FUT9: variants seen among roughly 807,000 people sequenced by gnomAD.
FUT9 encodes fucosyltransferase 9.
Under a neutral mutation model 29.7 loss-of-function variants are expected in FUT9, and 15 were observed. The observed-to-expected ratio is 0.51, with a 90% CI of 0.34 to 0.78. The LOEUF is 0.78. Among genes scored for constraint, FUT9 ranks in the 30% least tolerant of loss-of-function variants. FUT9 has a pLI of 0.01. For missense variants in FUT9, 319 were observed against 425.4 expected (o/e 0.75, Z 2.20); for synonymous variants, 169 against 153.7 (o/e 1.10, Z -0.74).
intron 2 of FUT9, among the ~76,000 whole-genome samples, chr6:96,162,854 A>C (rs1772938820): frequency 6.6e-6 from 1 of 152,142 alleles, no homozygotes; most frequent in Non-Finnish European, 1.5e-5. Flanking sequence ...CGTGGTAGAG[A>C]GGTATTCTTT....
intron 2 of FUT9, among the ~76,000 whole-genome samples, chr6:96,193,454 G>A: frequency 6.8e-6 from 1 of 147,010 alleles, no homozygotes. Flanking sequence ...ATGAAAAAAT[G>A]CTCATCATCA....
At chr6:96,044,021 G>T (rs11156165) in intron 1 of FUT9, among the ~76,000 whole-genome samples, 18,710 of 152,156 alleles carry the variant, frequency 0.12, 1,374 homozygotes, top group Non-Finnish European at 0.17. Flanking sequence ...AGTAATGCTT[G>T]ATTTAAAATA....
intron 1 of FUT9, among the ~76,000 whole-genome samples, chr6:96,016,921 T>C (rs971501162): frequency 7.2e-5 from 11 of 152,212 alleles, no homozygotes; most frequent in African/African-American, 2.7e-4. Flanking sequence ...AACAAACTTT[T>C]TGTTATTGTT....
intron 1 of FUT9, among the ~76,000 whole-genome samples, chr6:96,061,090 G>C (rs78738787): frequency 0.028 from 4,248 of 151,216 alleles, 220 homozygotes; most frequent in African/African-American, 0.097. Context: ...AATTCCATGG[G>C]ATATTATTAT....
Position 96,211,294 on chromosome 6 carries a change from G to T in FUT9, c.*7059G>T, listed in dbSNP as rs1374236458. The T allele has an allele frequency of 6.0e-6, 1 of 166,694 alleles. No homozygotes were observed. The highest frequency in any genetic ancestry group is 2.4e-5 in the African/African-American group (1 of 41,384). 10.3% of individuals were successfully genotyped at this position (166,694 alleles called of 1,614,324 possible). On this transcript the variant is annotated 3_prime_UTR_variant, in exon 3 of 3. Transcript: ENST00000302103. ...CAAGCAGTCCTAATTTTCTCTCCCT[G>T]TTATGAGCAATCAGTAAATTTGTAG...
chr6:96,191,264 C>T lies in FUT9; in HGVS notation c.-8-11884C>T, dbSNP rs1582298068. Among the ~76,000 whole-genome samples the T allele has an allele frequency of 2.6e-5, 4 of 152,022 alleles. No individual in the cohort carries two copies. In the South Asian group the frequency reaches 8.3e-4, roughly 31 times the overall value. On this transcript the variant is annotated intron_variant, in intron 2 of 2. Coordinates refer to ENST00000302103, the MANE Select transcript of FUT9 (RefSeq NM_006581.4). ...CTGAAGGAAATAGAGACACAAAAAA[C>T]CCTTCAAAAAATCAATGAATCCAGG...
rs560491750 is a variant in FUT9, at chr6:96,214,896, A to G, written c.*10661A>G. 1 of 167,130 alleles carries G rather than the reference A, an allele frequency of 6.0e-6. No individual in the cohort carries two copies. Among genetic ancestry groups the G allele is most frequent in the South Asian group, 2.1e-4 (1 of 4,832 alleles). 10.4% of individuals were successfully genotyped at this position (167,130 alleles called of 1,614,324 possible). A position where few individuals can be genotyped will look rare whatever the true frequency, so the allele number is the denominator to read the frequency against. ...TAACAGCTTCAGTGAAGTTAGTATA[A>G]TGATAAGAAAAATTGACTGTAGCTA... On this transcript the variant is annotated 3_prime_UTR_variant, in exon 3 of 3. Coordinates refer to ENST00000302103, the MANE Select transcript of FUT9 (RefSeq NM_006581.4).
intron 2 of FUT9, among the ~76,000 whole-genome samples, chr6:96,131,032 A>G (rs1772233821): frequency 6.6e-6 from 1 of 152,140 alleles, no homozygotes; most frequent in African/African-American, 2.4e-5. Context: ...TGAGAATGAC[A>G]CAAGATGGTG....
chr6:96,158,831 T>G (rs10214754), intron 2 of FUT9, among the ~76,000 whole-genome samples: 23,271 of 152,120 alleles, frequency 0.15, 1,993 homozygotes, highest in Admixed American at 0.25. Context: ...CCTCAGAACT[T>G]TAACATCATT....
intron 1 of FUT9, among the ~76,000 whole-genome samples, chr6:96,108,824 C>CA (rs145143110): frequency 0.03 from 4,604 of 152,250 alleles, 106 homozygotes; most frequent in Non-Finnish European, 0.048. Flanking sequence ...GACACACACA[C>CA]ACCGTTCATT....
intron 1 of FUT9, among the ~76,000 whole-genome samples, chr6:96,060,033 T>C (rs1770845562): frequency 6.6e-6 from 1 of 152,224 alleles, no homozygotes; most frequent in African/African-American, 2.4e-5. Flanking sequence ...ATTGTGTCTA[T>C]TATCTGCATA....
chr6:96,069,964 A>G (rs1009780330), intron 1 of FUT9, among the ~76,000 whole-genome samples: 1 of 152,196 alleles, frequency 6.6e-6, no homozygotes, highest in East Asian at 1.9e-4. Flanking sequence ...AGCTAAAAAA[A>G]CACACAAAAT....
intron 1 of FUT9, among the ~76,000 whole-genome samples, chr6:96,112,070 T>A (rs945858509): frequency 3.3e-5 from 5 of 152,188 alleles, no homozygotes; most frequent in African/African-American, 1.2e-4. Context: ...AAGTAGATAG[T>A]TAAGCAGAAT....
At chr6:96,151,136 C>A (rs1305944373) in intron 2 of FUT9, among the ~76,000 whole-genome samples, 3 of 152,194 alleles carry the variant, frequency 2.0e-5, no homozygotes, top group Non-Finnish European at 2.9e-5. Flanking sequence ...AACCTGAAGT[C>A]ATTTTGAAGG....
Position 96,214,767 on chromosome 6 carries a change from G to A in FUT9, c.*10532G>A, listed in dbSNP as rs138890793. 14 of 167,018 alleles carry A rather than the reference G, an allele frequency of 8.4e-5. No homozygotes were observed. The highest frequency in any genetic ancestry group is 8.3e-4 in the South Asian group (4 of 4,820). The allele number at this position is 167,018 out of a possible 1,614,324, so 10.3% of individuals were successfully genotyped here. A position where few individuals can be genotyped will look rare whatever the true frequency, so the allele number is the denominator to read the frequency against. ...AAACATGACAGTAAGCATTTACACT[G>A]TTGGAAGGTAATTTCATTGCTATGT... On this transcript the variant is annotated 3_prime_UTR_variant, in exon 3 of 3. Coordinates refer to ENST00000302103, the MANE Select transcript of FUT9 (RefSeq NM_006581.4).
intron 2 of FUT9, among the ~76,000 whole-genome samples, chr6:96,165,450 C>T (rs1255258440): frequency 1.3e-5 from 2 of 148,558 alleles, no homozygotes; most frequent in Middle Eastern, 6.4e-3. Flanking sequence ...AAAAAAGAGT[C>T]GATTCACAAT....
chr6:96,146,367 A>C (rs1033855442), intron 2 of FUT9, among the ~76,000 whole-genome samples: 1 of 152,300 alleles, frequency 6.6e-6, no homozygotes, highest in South Asian at 2.1e-4. Context: ...CCTGGAAAGT[A>C]TTTATTAATG....
intron 2 of FUT9, among the ~76,000 whole-genome samples, chr6:96,145,581 A>T (rs941780218): frequency 6.6e-6 from 1 of 152,166 alleles, no homozygotes; most frequent in Non-Finnish European, 1.5e-5. Context: ...TATGAAGTGG[A>T]AGGGTAAGAT....
intron 1 of FUT9, among the ~76,000 whole-genome samples, chr6:96,079,925 TA>T (rs576910474): frequency 2.6e-5 from 4 of 151,984 alleles, no homozygotes; most frequent in East Asian, 1.9e-4. Context: ...GATATAGCTT[TA>T]AAAAAATGGA....
Sources: allele counts gnomAD v4.1 joint callset (sites outside exome capture counted in the v4.1 genomes callset), GRCh38; gene constraint gnomAD v4.1.1; transcripts MANE v1.5; gene names NCBI Gene and HGNC (gene_info 2026-07-23, HGNC 2026-07-21).